GPD2: variants seen among roughly 807,000 people sequenced by gnomAD.
GPD2 encodes the protein glycerol-3-phosphate dehydrogenase 2.
GPD2 carries 54 observed loss-of-function variants against 82.4 expected under a neutral mutation model. The ratio of observed to expected loss-of-function variants is 0.66; its 90% CI spans 0.53 to 0.82. The LOEUF (loss-of-function observed/expected upper bound fraction) is 0.82, where lower values mean the gene tolerates loss of function less well. Ranked by LOEUF, GPD2 falls within the 40% of genes least tolerant of loss-of-function variation. GPD2 has a pLI of 0.00. For synonymous variants in GPD2, 288 were observed against 306.1 expected (o/e 0.94, Z 0.62); for missense variants, 748 against 896.2 (o/e 0.83, Z 2.11).
chr2:156,559,701 C>T (rs1687098308), intron 9 of GPD2, among the ~76,000 whole-genome samples: 1 of 152,072 alleles, frequency 6.6e-6, no homozygotes, highest in African/African-American at 2.4e-5. Flanking sequence ...TGGATATCTA[C>T]AATAATAGTA....
In GPD2 at chr2:156,537,954, A is replaced by G. The variant is rs374428696; in HGVS notation, c.662-11654A>G. On this transcript the variant is annotated intron_variant, in intron 6 of 16. Coordinates refer to ENST00000438166, the MANE Select transcript of GPD2 (RefSeq NM_000408.5). ...GGGAAGTTTTGTTTTAAATGTTTACATGTTTTATATTGACACATTTGTTGG... is the reference window on the plus strand; with the variant it reads ...GGGAAGTTTTGTTTTAAATGTTTACGTGTTTTATATTGACACATTTGTTGG... 3.9e-5 allele frequency among the ~76,000 whole-genome samples: 6 copies of G among 152,234 alleles called. No individual in the cohort carries two copies. The East Asian group carries it at 5.8e-4, about 15-fold the overall frequency.
At chr2:156,573,385 C>T (rs1687707502) in intron 13 of GPD2, among the ~76,000 whole-genome samples, 1 of 152,112 alleles carries the variant, frequency 6.6e-6, no homozygotes, top group Admixed American at 6.6e-5. Flanking sequence ...TTGAAGAAGT[C>T]TTGAGCTTTA....
intron 2 of GPD2, among the ~76,000 whole-genome samples, chr2:156,494,976 A>G (rs1027048255): frequency 3.9e-5 from 6 of 152,216 alleles, no homozygotes; most frequent in African/African-American, 1.2e-4. Context: ...AGAAACTAGA[A>G]ATATGGAAGG....
intron 6 of GPD2, among the ~76,000 whole-genome samples, chr2:156,529,265 G>A (rs1226608714): frequency 9.3e-5 from 14 of 150,984 alleles, no homozygotes; most frequent in East Asian, 1.9e-4. Flanking sequence ...CATTTCCTTC[G>A]CCCACTTTTT....
At chr2:156,569,074 C>T (rs1687506085) in intron 10 of GPD2, 115 bp downstream of exon 10, 6 of 856,930 alleles carry the variant, frequency 7.0e-6, no homozygotes, top group Non-Finnish European at 1.1e-5. Flanking sequence ...GGTGATTCTC[C>T]CACCTCAGCC....
intron 6 of GPD2, among the ~76,000 whole-genome samples, chr2:156,539,075 C>T (rs1331711247): frequency 6.6e-6 from 1 of 152,052 alleles, no homozygotes; most frequent in Non-Finnish European, 1.5e-5. Context: ...AGATGTTATT[C>T]TGATAACTGA....
the GPD2 span, among the ~76,000 whole-genome samples, chr2:156,408,081 G>T: frequency 4.7e-5 from 7 of 149,346 alleles, no homozygotes; most frequent in Non-Finnish European, 8.9e-5. Context: ...TCAGCCTCCC[G>T]AGGAGCTGAG....
At chr2:156,513,534 T>C in intron 6 of GPD2, 38 bp downstream of exon 6, 1 of 1,517,298 alleles carries the variant, frequency 6.6e-7, no homozygotes, top group Non-Finnish European at 9.1e-7. Context: ...CACAAGATAC[T>C]TTTCTCTCAC....
chr2:156,437,353 T>A (rs1313142735), intron 1 of GPD2, among the ~76,000 whole-genome samples: 1 of 152,240 alleles, frequency 6.6e-6, no homozygotes, highest in African/African-American at 2.4e-5. Context: ...AGTTTCTTTT[T>A]GGCGTGTGGA....
chr2:156,535,434 T>TC (rs1686039678), intron 6 of GPD2, among the ~76,000 whole-genome samples: 1 of 61,250 alleles, frequency 1.6e-5, no homozygotes, highest in Non-Finnish European at 3.0e-5. Context: ...GAGAGGGGGG[T>TC]GGGGAGAGAG....
At chr2:156,453,576 A>G (rs1682689806) in intron 1 of GPD2, among the ~76,000 whole-genome samples, 1 of 152,122 alleles carries the variant, frequency 6.6e-6, no homozygotes. Context: ...GAGGAATTGG[A>G]GCCTTCATGT....
At chr2:156,577,901 A>G (rs1687883729) in intron 13 of GPD2, among the ~76,000 whole-genome samples, 1 of 152,162 alleles carries the variant, frequency 6.6e-6, no homozygotes, top group Non-Finnish European at 1.5e-5. Flanking sequence ...AAAACTATAA[A>G]GTTACCATGA....
the GPD2 span, among the ~76,000 whole-genome samples, chr2:156,407,091 A>G: frequency 2.6e-5 from 4 of 152,108 alleles, no homozygotes; most frequent in Non-Finnish European, 5.9e-5. Flanking sequence ...TCATGCCTGT[A>G]ATCCCAGCTA....
At chr2:156,492,425 G>A (rs1429250603) in intron 2 of GPD2, among the ~76,000 whole-genome samples, 5 of 149,808 alleles carry the variant, frequency 3.3e-5, no homozygotes. Context: ...AGTGCTGGGA[G>A]TGAGCCACTG....
At chr2:156,529,799 T>G (rs1223193555) in intron 6 of GPD2, among the ~76,000 whole-genome samples, 1 of 151,990 alleles carries the variant, frequency 6.6e-6, no homozygotes, top group Non-Finnish European at 1.5e-5. Flanking sequence ...TTGATCTATA[T>G]CTCTGTTTTC....
intron 2 of GPD2, among the ~76,000 whole-genome samples, chr2:156,491,370 G>A (rs1346173961): frequency 6.6e-6 from 1 of 152,234 alleles, no homozygotes; most frequent in Non-Finnish European, 1.5e-5. Context: ...ATGATTGGAT[G>A]TGGCTATCTT....
intron 9 of GPD2, among the ~76,000 whole-genome samples, chr2:156,558,183 C>T (rs77973037): frequency 0.034 from 5,139 of 152,150 alleles, 295 homozygotes; most frequent in African/African-American, 0.12. Context: ...TTCATTCAGG[C>T]CAGTCTCAGA....
intron 6 of GPD2, among the ~76,000 whole-genome samples, chr2:156,531,460 G>A (rs773414264): frequency 2.6e-5 from 4 of 152,230 alleles, no homozygotes; most frequent in Non-Finnish European, 5.9e-5. Flanking sequence ...CACTGGCCCT[G>A]ACAGTAGAGA....
the GPD2 span, among the ~76,000 whole-genome samples, chr2:156,422,554 C>T: frequency 0.018 from 2,700 of 151,850 alleles, 81 homozygotes; most frequent in African/African-American, 0.062. Flanking sequence ...CACGGTGAAA[C>T]CTCATCTCTA....
Sources: allele counts gnomAD v4.1 joint callset (sites outside exome capture counted in the v4.1 genomes callset), GRCh38; gene constraint gnomAD v4.1.1; transcripts MANE v1.5; gene names NCBI Gene and HGNC (gene_info 2026-07-23, HGNC 2026-07-21).